HGF: variants seen among roughly 807,000 people sequenced by gnomAD.
HGF encodes fibroblast-derived tumor cytotoxic factor.
Under a neutral mutation model 111.6 loss-of-function variants are expected in HGF, and 39 were observed. That is an observed-to-expected ratio of 0.35 (90% CI 0.27 to 0.46). HGF has a LOEUF of 0.46. HGF is among the 20% of genes least tolerant of loss of function. HGF has a pLI of 1.00. For missense variants in HGF, 735 were observed against 910.5 expected (o/e 0.81, Z 2.48); for synonymous variants, 285 against 294.8 (o/e 0.97, Z 0.34).
At chr7:81,748,100 A>G (rs1473309396) in intron 5 of HGF, among the ~76,000 whole-genome samples, 2 of 152,126 alleles carry the variant, frequency 1.3e-5, no homozygotes, top group Non-Finnish European at 2.9e-5. Flanking sequence ...TCTGACCCAT[A>G]GTCTTAGTAT....
At chr7:81,739,015 T>C (rs1787921676) in intron 7 of HGF, among the ~76,000 whole-genome samples, 1 of 152,146 alleles carries the variant, frequency 6.6e-6, no homozygotes, top group African/African-American at 2.4e-5. Flanking sequence ...AGAATGAACT[T>C]AGATGTGCTA....
At chr7:81,756,876 G>T in intron 4 of HGF, 1 of 406,234 alleles carries the variant, frequency 2.5e-6, no homozygotes, top group Non-Finnish European at 4.6e-6. Flanking sequence ...CTCTCCCCCT[G>T]CACAGTGCCG....
At chr7:81,743,576 G>T in intron 6 of HGF, 105 bp from the exon 7 acceptor site, 1 of 805,046 alleles carries the variant, frequency 1.2e-6, no homozygotes, top group South Asian at 1.4e-5. Flanking sequence ...CACCTAGCTG[G>T]GGAAAGAGGA....
chr7:81,725,534 GAC>G (rs1789983255), intron 9 of HGF, among the ~76,000 whole-genome samples: 1 of 152,028 alleles, frequency 6.6e-6, no homozygotes, highest in Admixed American at 6.5e-5. Context: ...CTAACTCTGC[GAC>G]ATTTTTCTCT....
Position 81,705,653 on chromosome 7 carries a change from T to C in HGF, c.1858A>G (p.Thr620Ala), listed in dbSNP as rs1446326851. ...CTTTTGAAAACTAGCTTACATCCAG[T>C]GTAGCCCCAGCCATAAACACTGCAA... is the stretch of plus-strand genomic sequence containing the variant. ...TSCSVYGWGY[T>A]GLINYDGLLR... is the part of the protein sequence containing the mutation. The change falls in exon 16 of 18, where the codon ACT becomes GCT. Residue 620 changes from threonine to alanine, a missense_variant. Thr to Ala is a moderately conservative substitution (Grantham distance 58). Coordinates refer to ENST00000222390, the MANE Select transcript of HGF (RefSeq NM_000601.6). 1 of 1,608,526 alleles carries C rather than the reference T, an allele frequency of 6.2e-7. No homozygotes were observed. The highest frequency in any genetic ancestry group is 8.5e-7 in the Non-Finnish European group (1 of 1,175,366).
At chr7:81,726,185 C>G (rs1329961492) in intron 8 of HGF, among the ~76,000 whole-genome samples, 168 bp from the exon 9 acceptor site, 1 of 152,176 alleles carries the variant, frequency 6.6e-6, no homozygotes, top group Non-Finnish European at 1.5e-5. Context: ...ACATAACTGA[C>G]TCTGCCCAAA....
At chr7:81,720,620 C>T in intron 10 of HGF, 125 bp downstream of exon 10, 1 of 680,574 alleles carries the variant, frequency 1.5e-6, no homozygotes, top group Non-Finnish European at 2.6e-6. Flanking sequence ...AAAAACCAAT[C>T]TAATGCTTTT....
intron 5 of HGF, among the ~76,000 whole-genome samples, chr7:81,750,000 C>A (rs539537440): frequency 1.7e-3 from 258 of 152,012 alleles, no homozygotes; most frequent in African/African-American, 6.0e-3. Context: ...AATAAAATAA[C>A]CTTTATAACT....
chr7:81,739,750 C>T (rs1348728119), intron 7 of HGF, among the ~76,000 whole-genome samples: 1 of 152,024 alleles, frequency 6.6e-6, no homozygotes, highest in Non-Finnish European at 1.5e-5. Context: ...GCAATCTATG[C>T]CCAAAGGCCC....
Position 81,757,149 on chromosome 7 carries a change from A to G in HGF, c.482+40T>C, listed in dbSNP as rs1460681484. On this transcript the variant is annotated intron_variant, in intron 4 of 17. Coordinates refer to ENST00000222390, the MANE Select transcript of HGF (RefSeq NM_000601.6). Reference sequence around the variant, plus strand: ...AATATGAGACTGTTAACATGTAAAAAAGACAGAGGCTTCATCTCTTTTCTT... The same window carrying G: ...AATATGAGACTGTTAACATGTAAAAGAGACAGAGGCTTCATCTCTTTTCTT... 3 of 1,014,054 alleles carry G rather than the reference A, an allele frequency of 3.0e-6. No homozygotes were observed. In the South Asian group the frequency reaches 3.8e-5, roughly 13 times the overall value. The allele number at this position is 1,014,054 out of a possible 1,614,324, so 62.8% of individuals were successfully genotyped here. A position where few individuals can be genotyped will look rare whatever the true frequency, so the allele number is the denominator to read the frequency against.
chr7:81,751,177 TAACA>T (rs1788481202), intron 5 of HGF: 1 of 905,984 alleles, frequency 1.1e-6, no homozygotes, highest in Non-Finnish European at 1.3e-6. Context: ...ATTTGGTTAA[TAACA>T]AACAGGTAAG....
At position 81,762,723 on chromosome 7, in the gene HGF, G is replaced by A. The variant is rs757576097; in HGVS notation, c.238C>T (p.Leu80Phe). The A allele has an allele frequency of 2.5e-6, 4 of 1,612,484 alleles. No individual in the cohort carries two copies. The African/African-American group carries it at 5.3e-5, about 22-fold the overall frequency. The stretch of plus-strand genomic sequence containing the variant: ...GTAACTTACTTGCAAGTGAATGGAA[G>A]TCCTTTATTCCTAGTACATCTATTA... Reference protein sequence around the residue: ...CANRCTRNKGLPFTCKAFVFD... With the variant: ...CANRCTRNKGFPFTCKAFVFD... The change falls in exon 2 of 18, where the codon CTT (leucine) becomes TTT (phenylalanine). Residue 80 changes from leucine (L) to phenylalanine (F), a missense_variant. Physicochemically the swap from Leu to Phe is conservative, Grantham distance 22. Coordinates refer to ENST00000222390, the MANE Select transcript of HGF (RefSeq NM_000601.6).
chr7:81,751,761 G>A, intron 5 of HGF: 9 of 1,081,228 alleles, frequency 8.3e-6, no homozygotes, highest in Non-Finnish European at 1.0e-5. Flanking sequence ...AATTAACATT[G>A]CTAATGAAAG....
At chr7:81,757,380 C>T in intron 3 of HGF, 77 bp from the exon 4 acceptor site, 1 of 763,938 alleles carries the variant, frequency 1.3e-6, no homozygotes, top group Non-Finnish European at 2.4e-6. Context: ...TCCGTTCAAA[C>T]CTGTAAGTAA....
chr7:81,716,123 A>G (rs1789706531), intron 11 of HGF, among the ~76,000 whole-genome samples: 1 of 152,146 alleles, frequency 6.6e-6, no homozygotes, highest in South Asian at 2.1e-4. Context: ...ACCAGTGGAA[A>G]TGATTTTGCC....
At chr7:81,753,785 C>A (rs1372367493) in intron 4 of HGF, among the ~76,000 whole-genome samples, 1 of 151,902 alleles carries the variant, frequency 6.6e-6, no homozygotes, top group Admixed American at 6.6e-5. Context: ...AACTAGCATT[C>A]CTCATATGGG....
intron 13 of HGF, among the ~76,000 whole-genome samples, chr7:81,708,006 G>A (rs1789472325): frequency 1.3e-5 from 2 of 152,092 alleles, no homozygotes; most frequent in South Asian, 4.1e-4. Flanking sequence ...AGAGTATGAT[G>A]AGTACTAGTA....
At chr7:81,749,887 C>T (rs985327181) in intron 5 of HGF, among the ~76,000 whole-genome samples, 1 of 151,800 alleles carries the variant, frequency 6.6e-6, no homozygotes, top group Admixed American at 6.6e-5. Context: ...ATATACTGTT[C>T]TATATGTCTT....
At chr7:81,724,327 C>A (rs1360342612) in intron 9 of HGF, among the ~76,000 whole-genome samples, 1 of 152,072 alleles carries the variant, frequency 6.6e-6, no homozygotes, top group Admixed American at 6.6e-5. Flanking sequence ...AAGAATGACA[C>A]TGTGGAAAAA....
Sources: allele counts gnomAD v4.1 joint callset (sites outside exome capture counted in the v4.1 genomes callset), GRCh38; gene constraint gnomAD v4.1.1; transcripts MANE v1.5; gene names NCBI Gene and HGNC (gene_info 2026-07-23, HGNC 2026-07-21).